SGPP2: variants seen among roughly 807,000 people sequenced by gnomAD.
SGPP2 encodes the protein sphingosine-1-phosphate phosphatase 2, also known as sphingosine 1-phosphate phosphohydrolase 2.
A neutral mutation model predicts 33.9 loss-of-function variants in SGPP2; 30 were observed. The observed-to-expected ratio is 0.89, with a 90% CI of 0.66 to 1.20. SGPP2 has a LOEUF of 1.20. Among genes scored for constraint, SGPP2 ranks in the 50% most tolerant of loss-of-function variants. SGPP2 has a pLI of 0.00. For synonymous variants in SGPP2, 233 were observed against 225.0 expected (o/e 1.04, Z -0.32); for missense variants, 458 against 532.1 (o/e 0.86, Z 1.37).
chr2:222,534,165 C>T (rs1698880358), intron 4 of SGPP2, among the ~76,000 whole-genome samples: 1 of 152,148 alleles, frequency 6.6e-6, no homozygotes, highest in South Asian at 2.1e-4. Context: ...GGAAGGAGGG[C>T]TAGAGCAAAC....
chr2:222,450,241 C>T (rs1697463214), intron 1 of SGPP2, among the ~76,000 whole-genome samples: 1 of 152,222 alleles, frequency 6.6e-6, no homozygotes, highest in South Asian at 2.1e-4. Flanking sequence ...GAGGTGACAT[C>T]AGCCATTGCC....
At chr2:222,453,215 A>G in intron 1 of SGPP2, 1 of 773,216 alleles carries the variant, frequency 1.3e-6, no homozygotes, top group Non-Finnish European at 2.4e-6. Flanking sequence ...AGGCCCACAA[A>G]TGACAGGCAT....
rs967313776 is a variant in SGPP2, at chr2:222,559,289, A to C, written c.*391A>C. 1.0e-5 allele frequency: 2 copies of C among 190,664 alleles called. No individual in the cohort carries two copies. Among genetic ancestry groups the C allele is most frequent in the African/African-American group, 4.6e-5 (2 of 43,122 alleles). 11.8% of individuals were successfully genotyped at this position (190,664 alleles called of 1,614,324 possible). ...GAGCCCCACTGGGTTCTGGAGAGCC[A>C]GTAGAGATGGGGTGATCTGGGAGGC... On this transcript the variant is annotated 3_prime_UTR_variant, in exon 5 of 5. Coordinates refer to ENST00000321276, the MANE Select transcript of SGPP2 (RefSeq NM_152386.4).
At chr2:222,544,228 A>T (rs1689138073) in intron 4 of SGPP2, among the ~76,000 whole-genome samples, 1 of 152,184 alleles carries the variant, frequency 6.6e-6, no homozygotes, top group Admixed American at 6.5e-5. Context: ...CTGAACTGAG[A>T]TTTTAAGTTA....
chr2:222,483,441 G>A (rs1243571758), intron 2 of SGPP2, among the ~76,000 whole-genome samples: 1 of 151,928 alleles, frequency 6.6e-6, no homozygotes, highest in East Asian at 1.9e-4. Flanking sequence ...TTAAAATGGT[G>A]GTTTTTCAGT....
rs34056381 is a variant in SGPP2 at position 222,561,534 on chromosome 2, T to TTATATA, written c.*2648_*2653dup. Among the ~76,000 whole-genome samples, 6 of 145,892 alleles carry TTATATA rather than the reference T, an allele frequency of 4.1e-5. No individual in the cohort carries two copies. Among genetic ancestry groups the TTATATA allele is most frequent in the African/African-American group, 1.5e-4 (6 of 39,720 alleles). ...ATATATATGATATATATATATCATTTTATATATATATATATATCATATACA... is the reference window on the plus strand; with the variant it reads ...ATATATATGATATATATATATCATTTTATATATATATATATATATATATCATATACA... On this transcript the variant is annotated 3_prime_UTR_variant, in exon 5 of 5. Coordinates refer to ENST00000321276, the MANE Select transcript of SGPP2 (RefSeq NM_152386.4).
intron 1 of SGPP2, chr2:222,452,390 T>C: frequency 1.3e-6 from 1 of 741,384 alleles, no homozygotes; most frequent in East Asian, 2.5e-5. Context: ...AATATCAATT[T>C]CACTCTCCTT....
chr2:222,499,504 C>T (rs960199655), intron 2 of SGPP2, among the ~76,000 whole-genome samples: 5 of 152,186 alleles, frequency 3.3e-5, no homozygotes, highest in Admixed American at 1.3e-4. Flanking sequence ...AGTCATCTAA[C>T]CCCAGGGCAT....
chr2:222,436,751 A>AT (rs1697247620), intron 1 of SGPP2, among the ~76,000 whole-genome samples: 1 of 152,206 alleles, frequency 6.6e-6, no homozygotes, highest in Non-Finnish European at 1.5e-5. Context: ...GTAGGTGTCT[A>AT]TTCCAGTGAG....
chr2:222,523,023 T>C (rs1698709874), intron 3 of SGPP2, among the ~76,000 whole-genome samples: 1 of 152,174 alleles, frequency 6.6e-6, no homozygotes. Flanking sequence ...AGCAGTCTTG[T>C]AGATAAATAG....
chr2:222,427,711 A>G (rs1298318074), intron 1 of SGPP2, among the ~76,000 whole-genome samples: 3 of 152,268 alleles, frequency 2.0e-5, no homozygotes, highest in Non-Finnish European at 2.9e-5. Flanking sequence ...TCTTCATTTG[A>G]GTGACTTTAG....
intron 2 of SGPP2, among the ~76,000 whole-genome samples, chr2:222,516,886 A>G (rs896669709): frequency 9.2e-5 from 14 of 152,276 alleles, no homozygotes; most frequent in African/African-American, 3.4e-4. Flanking sequence ...TTTTGCATAC[A>G]TTTTCTCATT....
At chr2:222,469,280 G>C (rs1029972590) in intron 1 of SGPP2, among the ~76,000 whole-genome samples, 3 of 152,158 alleles carry the variant, frequency 2.0e-5, no homozygotes, top group Non-Finnish European at 4.4e-5. Flanking sequence ...GCCCCTCCAG[G>C]TTTAAGCAAT....
At chr2:222,529,695 G>C (rs1361663774) in intron 4 of SGPP2, among the ~76,000 whole-genome samples, 2 of 152,054 alleles carry the variant, frequency 1.3e-5, no homozygotes, top group Non-Finnish European at 2.9e-5. Context: ...CCCCCTCAAA[G>C]TTATCCATAA....
Position 222,558,912 on chromosome 2 carries a change from G to A in SGPP2, c.*14G>A. On this transcript the variant is annotated 3_prime_UTR_variant, in exon 5 of 5. Transcript: ENST00000321276. ...GGATTACCCTGAGTCTCAAACAGTT[G>A]GAAACTAGCCCACTGGACATGAAAG... The A allele has an allele frequency of 6.3e-7, 1 of 1,592,338 alleles. No homozygotes were observed. The highest frequency in any genetic ancestry group is 2.3e-5 in the East Asian group (1 of 44,260).
chr2:222,442,888 A>G (rs1697347580), intron 1 of SGPP2, among the ~76,000 whole-genome samples: 2 of 152,224 alleles, frequency 1.3e-5, no homozygotes, highest in African/African-American at 4.8e-5. Flanking sequence ...TCAGACCGCA[A>G]GCTCAGCAGG....
At chr2:222,488,541 T>C (rs1408643904) in intron 2 of SGPP2, among the ~76,000 whole-genome samples, 1 of 152,194 alleles carries the variant, frequency 6.6e-6, no homozygotes, top group Non-Finnish European at 1.5e-5. Flanking sequence ...TCCATAAAAC[T>C]GATCCCAGTG....
intron 2 of SGPP2, among the ~76,000 whole-genome samples, chr2:222,493,504 C>G (rs1400796611): frequency 1.3e-5 from 2 of 152,246 alleles, no homozygotes; most frequent in South Asian, 2.1e-4. Context: ...TGAGTGAGGA[C>G]AAAGGAGTCA....
intron 4 of SGPP2, among the ~76,000 whole-genome samples, chr2:222,528,959 C>T (rs13007030): frequency 0.32 from 48,143 of 152,100 alleles, 8,307 homozygotes; most frequent in Middle Eastern, 0.49. Context: ...TCAATTGACT[C>T]TTCCTTTTAG....
Sources: allele counts gnomAD v4.1 joint callset (sites outside exome capture counted in the v4.1 genomes callset), GRCh38; gene constraint gnomAD v4.1.1; transcripts MANE v1.5; gene names NCBI Gene and HGNC (gene_info 2026-07-23, HGNC 2026-07-21).